ZNF804B: variants seen among roughly 807,000 people sequenced by gnomAD.
ZNF804B encodes the protein zinc finger 804B.
Under a neutral mutation model 101.4 loss-of-function variants are expected in ZNF804B, and 80 were observed. That is an observed-to-expected ratio of 0.79 (90% confidence interval 0.66 to 0.95). The LOEUF is 0.95. Among genes scored for constraint, ZNF804B ranks in the 40% least tolerant of loss-of-function variants. The probability of loss-of-function intolerance (pLI) is 0.00; values close to 1 mark genes in which losing one functional copy is unlikely to be tolerated. For synonymous variants in ZNF804B, 622 were observed against 558.8 expected (o/e 1.11, Z -1.59); for missense variants, 1,673 against 1,561.9 (o/e 1.07, Z -1.20).
At position 89,337,188 on chromosome 7, in the gene ZNF804B, A is replaced by C; in HGVS notation, c.*156A>C. 1 of 798,722 alleles carries C rather than the reference A, an allele frequency of 1.3e-6. No homozygotes were observed. Among genetic ancestry groups the C allele is most frequent in the Non-Finnish European group, 1.9e-6 (1 of 538,882 alleles). 49.5% of individuals were successfully genotyped at this position (798,722 alleles called of 1,614,324 possible). ...ATATGATCTGAATTGCTAATACTAAAACAAGAGCATTTTAATAATTTTTTA... is the reference window on the plus strand; with the variant it reads ...ATATGATCTGAATTGCTAATACTAACACAAGAGCATTTTAATAATTTTTTA... On this transcript the variant is annotated 3_prime_UTR_variant, in exon 4 of 4. Coordinates refer to ENST00000333190, the MANE Select transcript of ZNF804B (RefSeq NM_181646.5).
At chr7:89,215,747 G>GCAGCGGGCTC (rs1439798448) in intron 1 of ZNF804B, among the ~76,000 whole-genome samples, 9 of 151,906 alleles carry the variant, frequency 5.9e-5, no homozygotes, top group Non-Finnish European at 1.3e-4. Flanking sequence ...GCCGGGCGTG[G>GCAGCGGGCTC]CAGCGGGCTC....
chr7:89,277,363 A>T (rs1165411321), intron 2 of ZNF804B, among the ~76,000 whole-genome samples: 1 of 148,216 alleles, frequency 6.7e-6, no homozygotes, highest in Non-Finnish European at 1.5e-5. Context: ...GTTTTAGGGT[A>T]CATGTGCACA....
rs542275369 is a variant in ZNF804B, at chr7:88,826,053, A to G, written c.108+65969A>G. ...GATTTCTGATAACACAGGTGATTCA[A>G]GATTGCTGAAAGGTTTAATGATATA... On this transcript the variant is annotated intron_variant, in intron 1 of 3. Transcript: ENST00000333190. Among the ~76,000 whole-genome samples the G allele has an allele frequency of 1.2e-3, 184 of 152,300 alleles. 1 individual carries two copies. The highest frequency in any genetic ancestry group is 0.012 in the Admixed American group (180 of 15,278).
rs546244113 is a variant in ZNF804B at position 89,338,068 on chromosome 7, A to C, written c.*1036A>C. On this transcript the variant is annotated 3_prime_UTR_variant, in exon 4 of 4. Coordinates refer to ENST00000333190, the MANE Select transcript of ZNF804B (RefSeq NM_181646.5). ...TCACCATCCATGTAATGTTGCAAATAATTTCAAACATTCATTCAAAATGGT... is the reference window on the plus strand; with the variant it reads ...TCACCATCCATGTAATGTTGCAAATCATTTCAAACATTCATTCAAAATGGT... Among the ~76,000 whole-genome samples the C allele has an allele frequency of 1.3e-5, 2 of 152,224 alleles. No homozygotes were observed. The highest frequency in any genetic ancestry group is 4.8e-5 in the African/African-American group (2 of 41,572).
intron 2 of ZNF804B, among the ~76,000 whole-genome samples, chr7:89,307,962 G>GT (rs1234986308): frequency 1.3e-5 from 2 of 152,008 alleles, no homozygotes; most frequent in Non-Finnish European, 2.9e-5. Flanking sequence ...CTTGCAATTA[G>GT]TAGGGAGGCA....
At chr7:89,320,843 A>C (rs1584123623) in intron 2 of ZNF804B, among the ~76,000 whole-genome samples, 1 of 152,146 alleles carries the variant, frequency 6.6e-6, no homozygotes, top group East Asian at 1.9e-4. Flanking sequence ...AAAGCATGCA[A>C]CTAAATGATG....
intron 1 of ZNF804B, among the ~76,000 whole-genome samples, chr7:89,163,857 C>G (rs1791103667): frequency 6.6e-6 from 1 of 151,452 alleles, no homozygotes; most frequent in African/African-American, 2.4e-5. Flanking sequence ...CTCTTCTCTC[C>G]CTTTCTTCTT....
chr7:89,064,402 C>T (rs989168514), intron 1 of ZNF804B, among the ~76,000 whole-genome samples: 2 of 152,214 alleles, frequency 1.3e-5, no homozygotes, highest in East Asian at 1.9e-4. Flanking sequence ...CTACCATAGT[C>T]GCTTTAGGTT....
chr7:89,015,485 G>A (rs905060733), intron 1 of ZNF804B, among the ~76,000 whole-genome samples: 14 of 146,464 alleles, frequency 9.6e-5, no homozygotes, highest in East Asian at 2.1e-4. Context: ...ATCCCTCCCC[G>A]CTCCCCCCAC....
intron 1 of ZNF804B, among the ~76,000 whole-genome samples, chr7:88,932,652 A>G (rs1792904318): frequency 1.3e-5 from 2 of 151,826 alleles, no homozygotes; most frequent in Admixed American, 6.6e-5. Context: ...TCTAGAGGAG[A>G]TGGGTAAATT....
intron 1 of ZNF804B, among the ~76,000 whole-genome samples, chr7:89,100,633 C>T (rs1361275557): frequency 6.6e-6 from 1 of 151,900 alleles, no homozygotes; most frequent in Admixed American, 6.6e-5. Context: ...ATCTAATAAT[C>T]TGATTAAATA....
At chr7:89,310,970 ATT>A (rs59813307) in intron 2 of ZNF804B, among the ~76,000 whole-genome samples, 51,387 of 149,714 alleles carry the variant, frequency 0.34, 9,207 homozygotes, top group Non-Finnish European at 0.4. Context: ...TTCTCTTAAG[ATT>A]TTTTTTTTTT....
At position 88,769,986 on chromosome 7, in the gene ZNF804B, G is replaced by T. The variant is rs140169698; in HGVS notation, c.108+9902G>T. ...AAAGTAATACTCTTAGGAGTGAAGA[G>T]AATCTGTTTATTTTTATGGTCAGTT... On this transcript the variant is annotated intron_variant, in intron 1 of 3. Transcript: ENST00000333190. Among the ~76,000 whole-genome samples, 7 of 152,210 alleles carry T rather than the reference G, an allele frequency of 4.6e-5. No individual in the cohort carries two copies. In the East Asian group the frequency reaches 1.3e-3, roughly 29 times the overall value.
At chr7:88,809,806 A>G (rs1790754442) in intron 1 of ZNF804B, among the ~76,000 whole-genome samples, 1 of 152,150 alleles carries the variant, frequency 6.6e-6, no homozygotes, top group South Asian at 2.1e-4. Flanking sequence ...TTCCTGCCCC[A>G]AATGTTCCCA....
chr7:89,313,255 T>A (rs1790670005), intron 2 of ZNF804B, among the ~76,000 whole-genome samples: 1 of 152,210 alleles, frequency 6.6e-6, no homozygotes, highest in Non-Finnish European at 1.5e-5. Context: ...ATCTTTAAAA[T>A]TAGGTTAATA....
chr7:88,787,975 A>G (rs80352659), intron 1 of ZNF804B, among the ~76,000 whole-genome samples: 3,150 of 152,276 alleles, frequency 0.021, 95 homozygotes, highest in African/African-American at 0.064. Flanking sequence ...GCTGTCAATC[A>G]TAAAAAGAAA....
At chr7:89,158,453 C>T (rs62461931) in intron 1 of ZNF804B, among the ~76,000 whole-genome samples, 31,015 of 152,038 alleles carry the variant, frequency 0.2, 3,375 homozygotes, top group Middle Eastern at 0.39. Context: ...TTTCTCTTTT[C>T]CGGTCTCAGG....
chr7:89,009,909 C>A (rs1250117651), intron 1 of ZNF804B, among the ~76,000 whole-genome samples: 1 of 152,154 alleles, frequency 6.6e-6, no homozygotes, highest in Non-Finnish European at 1.5e-5. Context: ...CTTTCCAAAT[C>A]CCATGGGAGA....
chr7:88,867,270 T>A (rs1030614095), intron 1 of ZNF804B, among the ~76,000 whole-genome samples: 7 of 152,208 alleles, frequency 4.6e-5, no homozygotes, highest in East Asian at 1.9e-4. Context: ...GACAATAGGC[T>A]GTCTGCAAGC....
Sources: gnomAD v4.1 joint callset for allele counts (sites outside exome capture counted in the v4.1 genomes callset) on GRCh38, gnomAD v4.1.1 for gene constraint, MANE v1.5 for transcripts, NCBI Gene and HGNC (gene_info 2026-07-23, HGNC 2026-07-21) for gene names.